Variants in DENND1A observed in about 807,000 individuals in gnomAD.
DENND1A encodes DENN domain containing 1A.
A neutral mutation model predicts 113.7 loss-of-function variants in DENND1A; 51 were observed. The observed-to-expected ratio is 0.45, with a 90% CI of 0.36 to 0.57. DENND1A has a LOEUF of 0.57. Ranked by LOEUF, DENND1A falls within the 20% of genes least tolerant of loss-of-function variation. The pLI, the probability that DENND1A is intolerant of heterozygous loss-of-function variation, is 0.00. For synonymous variants in DENND1A, 565 were observed against 570.8 expected, an observed-to-expected ratio of 0.99 and a Z score of 0.14; for missense variants, 1,258 against 1,395.9, an observed-to-expected ratio of 0.90 and a Z score of 1.57.
At chr9:123,564,555 G>A (rs748960530) in intron 12 of DENND1A, among the ~76,000 whole-genome samples, 37 of 152,286 alleles carry the variant, frequency 2.4e-4, no homozygotes, top group South Asian at 1.2e-3. Flanking sequence ...GGTTATTTCC[G>A]GTGTGGAGTG....
intron 21 of DENND1A, among the ~76,000 whole-genome samples, chr9:123,396,282 G>C (rs978202137): frequency 7.9e-5 from 12 of 152,234 alleles, no homozygotes; most frequent in African/African-American, 1.7e-4. Flanking sequence ...CTCCAGGCTG[G>C]TGCCTGGTGG....
At chr9:123,543,339 T>C (rs2056424196) in intron 13 of DENND1A, among the ~76,000 whole-genome samples, 1 of 152,242 alleles carries the variant, frequency 6.6e-6, no homozygotes, top group African/African-American at 2.4e-5. Context: ...TCCAGATTTC[T>C]CTACAGCTGG....
rs761210584 is a variant in DENND1A at position 123,531,552 on chromosome 9, TCTACACACACACACACACACAC to T, written c.993+25996_993+26017del. On this transcript the variant is annotated intron_variant, in intron 13 of 23. Coordinates refer to ENST00000394215, the MANE Select transcript of DENND1A (RefSeq NM_001352964.2). ...TTATCCTTCTCTTCCCCCCTCTCTC[TCTACACACACACACACACACAC>T]ACACACACACACACACACACACACA... is the stretch of plus-strand genomic sequence containing the variant. Among the ~76,000 whole-genome samples the T allele has an allele frequency of 7.2e-3, 969 of 133,870 alleles. 16 individuals carry two copies. Among genetic ancestry groups the T allele is most frequent in the African/African-American group, 0.026 (919 of 35,168 alleles). 87.8% of individuals were successfully genotyped at this position (133,870 alleles called of 152,430 possible). A position where few individuals can be genotyped will look rare whatever the true frequency, so the allele number is the denominator to read the frequency against.
intron 21 of DENND1A, among the ~76,000 whole-genome samples, chr9:123,397,569 CCTCTGCAGTCACAGACA>C (rs1329484802): frequency 6.6e-6 from 1 of 152,188 alleles, no homozygotes; most frequent in African/African-American, 2.4e-5. Context: ...ACAATGAGAT[CCTCTGCAGTCACAGACA>C]ATAGGGGTTA....
At position 123,388,779 on chromosome 9, in the gene DENND1A, G is replaced by A. The variant is rs544327791; in HGVS notation, c.1632-921C>T. 5.5e-4 allele frequency among the ~76,000 whole-genome samples: 84 copies of A among 152,202 alleles called. 2 individuals carry two copies. The highest frequency in any genetic ancestry group is 1.6e-3 in the African/African-American group (65 of 41,476). On this transcript the variant is annotated intron_variant, in intron 21 of 23. Transcript: ENST00000394215. ...CAGAGGCCATGTGCTCAGCAGGGGC[G>A]AGCTGGACCAGGCAGATCTGGGTTC... is the stretch of plus-strand genomic sequence containing the variant.
chr9:123,633,308 C>A (rs1420474674), intron 9 of DENND1A, among the ~76,000 whole-genome samples: 2 of 152,154 alleles, frequency 1.3e-5, no homozygotes, highest in African/African-American at 4.8e-5. Context: ...TTCTCAGTGG[C>A]CCAGAACACA....
intron 5 of DENND1A, among the ~76,000 whole-genome samples, chr9:123,717,346 T>G (rs184548854): frequency 6.6e-6 from 1 of 152,288 alleles, no homozygotes; most frequent in East Asian, 1.9e-4. Context: ...AGGAGATACG[T>G]ATAATGTATG....
At chr9:123,863,818 T>G (rs1352480496) in intron 2 of DENND1A, among the ~76,000 whole-genome samples, 1 of 152,180 alleles carries the variant, frequency 6.6e-6, no homozygotes, top group Admixed American at 6.5e-5. Flanking sequence ...AGCTTAAACA[T>G]GCTATGTCCT....
chr9:123,896,864 G>A (rs1225997631), intron 1 of DENND1A, among the ~76,000 whole-genome samples: 1 of 152,090 alleles, frequency 6.6e-6, no homozygotes, highest in Non-Finnish European at 1.5e-5. Context: ...GATAAACGCA[G>A]AAGTAAAACA....
chr9:123,637,933 GCACACA>G (rs1185018176), intron 9 of DENND1A, among the ~76,000 whole-genome samples: 789 of 74,064 alleles, frequency 0.011, 1 homozygote, highest in Middle Eastern at 0.045. Flanking sequence ...ACACACACAC[GCACACA>G]CACACACACA....
At chr9:123,473,795 A>G (rs1402650265) in intron 13 of DENND1A, among the ~76,000 whole-genome samples, 1 of 151,804 alleles carries the variant, frequency 6.6e-6, no homozygotes, top group African/African-American at 2.4e-5. Flanking sequence ...TTCTCCACTA[A>G]AAGTCCCTAA....
intron 2 of DENND1A, among the ~76,000 whole-genome samples, chr9:123,843,874 C>A (rs757998223): frequency 1.3e-5 from 2 of 151,888 alleles, no homozygotes; most frequent in African/African-American, 4.8e-5. Context: ...AAAGTACTTA[C>A]GATAGAATTT....
At chr9:123,485,651 C>CAT (rs753163146) in intron 13 of DENND1A, 3 of 48,846 alleles carry the variant, frequency 6.1e-5, no homozygotes, top group South Asian at 8.9e-4. Context: ...CACACGCGCG[C>CAT]GCGCGCACAC....
chr9:123,397,824 A>C (rs2043210820), intron 21 of DENND1A, among the ~76,000 whole-genome samples: 1 of 152,180 alleles, frequency 6.6e-6, no homozygotes, highest in Non-Finnish European at 1.5e-5. Flanking sequence ...AAAAGAGCAG[A>C]TTTTGCACGG....
Position 123,440,460 on chromosome 9 carries a change from G to A in DENND1A, c.1388C>T (p.Pro463Leu), listed in dbSNP as rs772243080. The change falls in exon 19 of 24, where the codon CCA becomes CTA. Residue 463 changes from proline (P) to leucine (L), a missense_variant. Physicochemically the swap from Pro to Leu is moderately conservative, Grantham distance 98. This residue lies in a region of DENND1A where 1,159 missense variants were observed against 1,231.7 expected (regional missense o/e 0.94). Transcript: ENST00000394215. ...TGCAGTCTTTGGCAGCTGCTCTTCTGGGGTGGGGGCGCAGCCATTCTCGGC... is the reference window on the plus strand; with the variant it reads ...TGCAGTCTTTGGCAGCTGCTCTTCTAGGGTGGGGGCGCAGCCATTCTCGGC... ...DIAENGCAPT[P>L]EEQLPKTAPS... 3 of 1,572,214 alleles carry A rather than the reference G, an allele frequency of 1.9e-6. No homozygotes were observed. The highest frequency in any genetic ancestry group is 2.6e-6 in the Non-Finnish European group (3 of 1,167,126).
intron 19 of DENND1A, among the ~76,000 whole-genome samples, chr9:123,436,751 CTT>C (rs771312212): frequency 2.1e-4 from 30 of 145,560 alleles, no homozygotes; most frequent in African/African-American, 2.0e-4. Context: ...GACAAAATAT[CTT>C]TTTTTTTTTT....
At chr9:123,657,060 G>C (rs1357331682) in intron 8 of DENND1A, among the ~76,000 whole-genome samples, 1 of 152,230 alleles carries the variant, frequency 6.6e-6, no homozygotes, top group Non-Finnish European at 1.5e-5. Context: ...AGGCTGGAAA[G>C]GGCTCAAATC....
intron 11 of DENND1A, among the ~76,000 whole-genome samples, chr9:123,595,850 C>A (rs1043880109): frequency 6.6e-6 from 1 of 152,158 alleles, no homozygotes; most frequent in African/African-American, 2.4e-5. Flanking sequence ...GTCCTCCTAG[C>A]AATCCACTCT....
intron 1 of DENND1A, among the ~76,000 whole-genome samples, chr9:123,881,940 T>C (rs1374356981): frequency 6.6e-6 from 1 of 152,186 alleles, no homozygotes; most frequent in Non-Finnish European, 1.5e-5. Flanking sequence ...TGATAGTTCA[T>C]CCATCTGCCC....
Sources: gnomAD v4.1 joint callset for allele counts (sites outside exome capture counted in the v4.1 genomes callset) on GRCh38, gnomAD v4.1.1 for gene constraint, gnomAD v4.1.1 regional missense constraint, MANE v1.5 for transcripts, NCBI Gene and HGNC (gene_info 2026-07-23, HGNC 2026-07-21) for gene names.